The following TRIM9 variants were observed in gnomAD, a reference collection of about 807,000 sequenced individuals.
TRIM9 encodes the protein tripartite motif containing 9, also known as E3 ubiquitin-protein ligase TRIM9.
Under a neutral mutation model 78.3 loss-of-function variants are expected in TRIM9, and 26 were observed. That is an observed-to-expected ratio of 0.33 (90% CI 0.24 to 0.46). TRIM9 has a LOEUF of 0.46. TRIM9 is among the 20% of genes least tolerant of loss of function. The pLI is 1.00. For synonymous variants in TRIM9, 398 were observed against 416.5 expected, an observed-to-expected ratio of 0.96 and a Z score of 0.54; for missense variants, 787 against 1,036.4, an observed-to-expected ratio of 0.76 and a Z score of 3.30.
At chr14:50,989,320 G>T (rs920694840) in intron 7 of TRIM9, among the ~76,000 whole-genome samples, 1 of 152,166 alleles carries the variant, frequency 6.6e-6, no homozygotes, top group Non-Finnish European at 1.5e-5. Context: ...ACTTAAGTGC[G>T]TATTCTGCGT....
intron 3 of TRIM9, among the ~76,000 whole-genome samples, chr14:51,021,794 T>C (rs1220882635): frequency 1.3e-5 from 2 of 152,158 alleles, no homozygotes; most frequent in Non-Finnish European, 2.9e-5. Context: ...CCTGCACCAA[T>C]GGGGTGATAG....
At chr14:50,979,591 C>A in intron 11 of TRIM9, 42 bp from the exon 12 acceptor site, 1 of 1,550,802 alleles carries the variant, frequency 6.4e-7, no homozygotes. Context: ...TCCTTGTGGT[C>A]ACTCTAGAAG....
At chr14:51,078,345 A>C (rs1448296445) in intron 1 of TRIM9, among the ~76,000 whole-genome samples, 1 of 152,206 alleles carries the variant, frequency 6.6e-6, no homozygotes, top group Non-Finnish European at 1.5e-5. Context: ...ATTTATACAA[A>C]TTTTATAGTA....
intron 3 of TRIM9, among the ~76,000 whole-genome samples, chr14:51,020,607 G>C (rs2057664843): frequency 6.6e-6 from 1 of 152,250 alleles, no homozygotes; most frequent in Non-Finnish European, 1.5e-5. Flanking sequence ...GGAGGGAAGA[G>C]GACATAGTCA....
chr14:51,087,361 C>A (rs902844199), intron 1 of TRIM9, among the ~76,000 whole-genome samples: 2 of 152,140 alleles, frequency 1.3e-5, no homozygotes, highest in East Asian at 3.8e-4. Flanking sequence ...CAGGGCCAAA[C>A]AAAAGTGAAA....
intron 1 of TRIM9, among the ~76,000 whole-genome samples, chr14:51,048,980 T>A (rs111546782): frequency 0.2 from 29,126 of 142,704 alleles, 3,231 homozygotes; most frequent in Non-Finnish European, 0.25. Flanking sequence ...TGAGACTCCA[T>A]CTCAAAAAAA....
intron 1 of TRIM9, among the ~76,000 whole-genome samples, chr14:51,064,320 A>C (rs1231750838): frequency 6.6e-6 from 1 of 152,110 alleles, no homozygotes; most frequent in African/African-American, 2.4e-5. Flanking sequence ...TAAAAATTAC[A>C]AACAAGCAAT....
chr14:51,029,260 C>A (rs1051833637), intron 1 of TRIM9, among the ~76,000 whole-genome samples: 4 of 152,290 alleles, frequency 2.6e-5, no homozygotes, highest in Middle Eastern at 3.4e-3. Context: ...AAAAGGGTCA[C>A]TCGAAGAGTT....
intron 1 of TRIM9, among the ~76,000 whole-genome samples, chr14:51,045,139 C>T (rs1409299213): frequency 2.6e-5 from 4 of 152,208 alleles, no homozygotes; most frequent in East Asian, 1.9e-4. Context: ...AGCCTGCAAG[C>T]CACCAGCTGC....
At chr14:51,083,978 AT>A (rs1336771915) in intron 1 of TRIM9, among the ~76,000 whole-genome samples, 1 of 152,206 alleles carries the variant, frequency 6.6e-6, no homozygotes, top group Admixed American at 6.5e-5. Flanking sequence ...TTAATGTCAC[AT>A]CAAATAATGA....
chr14:51,065,410 C>T (rs780187689), intron 1 of TRIM9, among the ~76,000 whole-genome samples: 1 of 152,128 alleles, frequency 6.6e-6, no homozygotes, highest in Non-Finnish European at 1.5e-5. Context: ...ATAATGGATG[C>T]TTAAGAGAGT....
chr14:51,028,702 C>A (rs566580474), intron 1 of TRIM9, among the ~76,000 whole-genome samples: 1 of 152,250 alleles, frequency 6.6e-6, no homozygotes, highest in Admixed American at 6.5e-5. Context: ...TATTTGTTTT[C>A]TAGGTTACTG....
chr14:51,055,893 C>T (rs776369784), intron 1 of TRIM9, among the ~76,000 whole-genome samples: 9 of 152,158 alleles, frequency 5.9e-5, no homozygotes, highest in Non-Finnish European at 1.0e-4. Flanking sequence ...TTATGTTTTA[C>T]TAGATATATA....
At chr14:50,998,600 G>A (rs1332291399) in intron 6 of TRIM9, among the ~76,000 whole-genome samples, 1 of 152,100 alleles carries the variant, frequency 6.6e-6, no homozygotes, top group Non-Finnish European at 1.5e-5. Context: ...CCATCAGTAT[G>A]GTTTGTAAAA....
chr14:51,054,377 A>G (rs973922541), intron 1 of TRIM9, among the ~76,000 whole-genome samples: 3 of 152,150 alleles, frequency 2.0e-5, no homozygotes, highest in African/African-American at 7.2e-5. Flanking sequence ...GGCTCAAGCC[A>G]TACTCCCACC....
intron 1 of TRIM9, among the ~76,000 whole-genome samples, chr14:51,055,805 G>A (rs1299399542): frequency 6.6e-6 from 1 of 152,046 alleles, no homozygotes; most frequent in Non-Finnish European, 1.5e-5. Context: ...GTTATGACAG[G>A]GATAAGGAAA....
rs566163298 is a variant in TRIM9 at position 51,034,295 on chromosome 14, A to G, written c.823-8935T>C. The stretch of plus-strand genomic sequence containing the variant: ...CAGGACCACTTCTAAGTGCTTCACA[A>G]ATAAACCCAATGAGAATTTAGGCCT... On this transcript the variant is annotated intron_variant, in intron 1 of 12. Transcript: ENST00000684578. Among the ~76,000 whole-genome samples the G allele has an allele frequency of 2.5e-4, 38 of 152,310 alleles. No individual in the cohort carries two copies. In the South Asian group the frequency reaches 4.6e-3, roughly 18 times the overall value.
chr14:51,039,310 GCATATGTC>G, intron 1 of TRIM9, among the ~76,000 whole-genome samples: 1 of 152,332 alleles, frequency 6.6e-6, no homozygotes, highest in South Asian at 2.1e-4. Flanking sequence ...CTATGTGATA[GCATATGTC>G]CACGAAAGAC....
chr14:50,998,284 G>C (rs2054490244), intron 6 of TRIM9, 96 bp from the exon 7 acceptor site: 1 of 1,178,468 alleles, frequency 8.5e-7, no homozygotes, highest in Non-Finnish European at 1.2e-6. Flanking sequence ...AAGAGCCCTG[G>C]TGTCATTCTA....
Sources: allele counts gnomAD v4.1 joint callset (sites outside exome capture counted in the v4.1 genomes callset), GRCh38; gene constraint gnomAD v4.1.1; transcripts MANE v1.5; gene names NCBI Gene and HGNC (gene_info 2026-07-23, HGNC 2026-07-21).